Variants in ASPSCR1 observed in about 807,000 individuals in gnomAD.
ASPSCR1 encodes the protein ASPSCR1 tether for SLC2A4, UBX domain containing.
In ASPSCR1, 55 loss-of-function variants were observed where a neutral mutation model predicts 68.9. The observed-to-expected ratio is 0.80, with a 90% confidence interval of 0.64 to 1.00. The LOEUF (loss-of-function observed/expected upper bound fraction) is 1.00, where lower values mean the gene tolerates loss of function less well. Among genes scored for constraint, ASPSCR1 ranks in the 50% least tolerant of loss-of-function variants. ASPSCR1 has a pLI of 0.00. For synonymous variants in ASPSCR1, 352 were observed against 332.6 expected (o/e 1.06, Z -0.63); for missense variants, 765 against 762.2 (o/e 1.00, Z -0.04).
chr17:82,015,888 T>C, intron 12 of ASPSCR1: 1 of 169,194 alleles, frequency 5.9e-6, no homozygotes, highest in Non-Finnish European at 1.3e-5. Flanking sequence ...GCGGCACAAT[T>C]GGGTTTTCAA....
At chr17:82,002,179 C>A (rs1192617008) in intron 7 of ASPSCR1, among the ~76,000 whole-genome samples, 1 of 150,782 alleles carries the variant, frequency 6.6e-6, no homozygotes, top group Non-Finnish European at 1.5e-5. Flanking sequence ...AAGTATTTTT[C>A]TTTTTAAAAT....
At position 82,016,403 on chromosome 17, in the gene ASPSCR1, G is replaced by A. The variant is rs537281859; in HGVS notation, c.1354-73G>A. 7.3e-6 allele frequency: 10 copies of A among 1,376,748 alleles called. No individual in the cohort carries two copies. In the Admixed American group the frequency reaches 1.8e-4, roughly 25 times the overall value. The allele number at this position is 1,376,748 out of a possible 1,614,324, so 85.3% of individuals were successfully genotyped here. On this transcript the variant is annotated intron_variant, in intron 12 of 15. Transcript: ENST00000306739. ...GGGTGGAGCTGGGGCCTGGCCCTGG[G>A]GGTGTAGCTGCCTTCACAGCAGGGG...
chr17:82,010,358 TCTCTACTAAAA>T (rs2042888739), intron 9 of ASPSCR1, among the ~76,000 whole-genome samples: 1 of 151,116 alleles, frequency 6.6e-6, no homozygotes, highest in African/African-American at 2.4e-5. Context: ...TGAAACCCCA[TCTCTACTAAAA>T]ATACAAAAAA....
chr17:82,000,908 C>G (rs185493665), intron 7 of ASPSCR1, among the ~76,000 whole-genome samples: 1 of 152,144 alleles, frequency 6.6e-6, no homozygotes, highest in Non-Finnish European at 1.5e-5. Flanking sequence ...AGACGCCCCC[C>G]ACAACTCGGC....
intron 9 of ASPSCR1, 58 bp from the exon 10 acceptor site, chr17:82,010,744 C>T (rs906042631): frequency 4.9e-5 from 77 of 1,564,160 alleles, no homozygotes; most frequent in Non-Finnish European, 6.0e-5. Context: ...GGAGGCCACG[C>T]CCTGGTCCCT....
chr17:81,989,807 C>G (rs1183045617), intron 4 of ASPSCR1, among the ~76,000 whole-genome samples: 1 of 152,198 alleles, frequency 6.6e-6, no homozygotes, highest in Non-Finnish European at 1.5e-5. Flanking sequence ...ATGGAGGTGA[C>G]TCACATTTTC....
At chr17:81,998,050 C>T (rs367621864) in intron 7 of ASPSCR1, among the ~76,000 whole-genome samples, 1 of 148,612 alleles carries the variant, frequency 6.7e-6, no homozygotes, top group African/African-American at 2.5e-5. Context: ...TGGTCTCGAA[C>T]TCCTGACCTC....
chr17:81,985,369 T>G, intron 3 of ASPSCR1, 138 bp from the exon 4 acceptor site: 2 of 824,486 alleles, frequency 2.4e-6, no homozygotes, highest in South Asian at 3.4e-5. Context: ...GAGGGTAGCC[T>G]TCTCCGTGGG....
chr17:81,979,098 A>C, intron 1 of ASPSCR1, 86 bp from the exon 2 acceptor site: 1 of 1,431,944 alleles, frequency 7.0e-7, no homozygotes, highest in Non-Finnish European at 9.8e-7. Flanking sequence ...CTCACCAGGA[A>C]GCTGAATGCC....
At chr17:81,997,108 T>TCCGGGATGAGGCCGTGTGGGCC (rs1418471638) in intron 7 of ASPSCR1, among the ~76,000 whole-genome samples, 1 of 151,766 alleles carries the variant, frequency 6.6e-6, no homozygotes, top group Non-Finnish European at 1.5e-5. Flanking sequence ...CCGTGTCCGC[T>TCCGGGATGAGGCCGTGTGGGCC]CCGGGATGAG....
rs955228488 is a variant in ASPSCR1, at chr17:81,985,267, CACCTGCACAT to C, written c.274-230_274-221del. Among the ~76,000 whole-genome samples, 8 of 152,196 alleles carry C rather than the reference CACCTGCACAT, an allele frequency of 5.3e-5. No homozygotes were observed. In the South Asian group the frequency reaches 1.5e-3, roughly 28 times the overall value. On this transcript the variant is annotated intron_variant, in intron 3 of 15. Coordinates refer to ENST00000306739, the MANE Select transcript of ASPSCR1 (RefSeq NM_024083.4). Reference sequence around the variant, plus strand: ...ACACACATATGCACACACGCACGCACACCTGCACATACCTGCACACTCACATGCACACACG... The same window carrying C: ...ACACACATATGCACACACGCACGCACACCTGCACACTCACATGCACACACG...
chr17:82,010,829 C>G lies in ASPSCR1; in HGVS notation c.1198C>G (p.Arg400Gly), dbSNP rs141296467. Residue 400 changes from arginine (R) to glycine (G), a missense_variant, in exon 10 of 16, where the codon CGC becomes GGC. By Grantham distance (125) the Arg-to-Gly change is moderately radical. Coordinates refer to ENST00000306739, the MANE Select transcript of ASPSCR1 (RefSeq NM_024083.4). ...KVALRVLFPD[R>G]YVLQGFFRPS... is the part of the protein sequence containing the mutation. Reference sequence around the variant, plus strand: ...GGCTCTGAGGGTCCTGTTCCCCGACCGCTACGTCCTACAGGGCTTCTTCCG... The same window carrying G: ...GGCTCTGAGGGTCCTGTTCCCCGACGGCTACGTCCTACAGGGCTTCTTCCG... 7 of 1,613,202 alleles carry G rather than the reference C, an allele frequency of 4.3e-6. No individual in the cohort carries two copies. In the East Asian group the frequency reaches 1.1e-4, roughly 26 times the overall value.
Position 81,986,432 on chromosome 17 carries a change from A to T in ASPSCR1, c.374+825A>T, listed in dbSNP as rs1042386293. Among the ~76,000 whole-genome samples, 7 of 152,218 alleles carry T rather than the reference A, an allele frequency of 4.6e-5. No homozygotes were observed. Among genetic ancestry groups the T allele is most frequent in the Admixed American group, 3.9e-4 (6 of 15,282 alleles). On this transcript the variant is annotated intron_variant, in intron 4 of 15. Transcript: ENST00000306739. This position sits in a 1 kb window ranked among gnomAD's most constrained non-coding sequence, Gnocchi z 5.2. ...CAACAGAACGAGACTCTGTCTCAAA[A>T]AAATAAATAAATAAAAATAAGTAAT...
Position 81,996,734 on chromosome 17 carries a change from C to T in ASPSCR1, c.821C>T (p.Ser274Phe), listed in dbSNP as rs1453083430. ...TCAGCTAAGTTGCCGAAGTCCCTCT[C>T]CAGCCCTGGAGGCCCCTCCAAGCCA... ...SSSAKLPKSL[S>F]SPGGPSKPKK... Residue 274 changes from serine to phenylalanine, a missense_variant, in exon 7 of 16, where the codon TCC becomes TTC. Ser to Phe is a radical substitution (Grantham distance 155, BLOSUM62 -2). Coordinates refer to ENST00000306739, the MANE Select transcript of ASPSCR1 (RefSeq NM_024083.4). 1 of 1,613,410 alleles carries T rather than the reference C, an allele frequency of 6.2e-7. No individual in the cohort carries two copies. Among genetic ancestry groups the T allele is most frequent in the African/African-American group, 1.3e-5 (1 of 74,934 alleles).
chr17:81,987,022 G>A lies in ASPSCR1; in HGVS notation c.374+1415G>A, dbSNP rs867281307. On this transcript the variant is annotated intron_variant, in intron 4 of 15. Coordinates refer to ENST00000306739, the MANE Select transcript of ASPSCR1 (RefSeq NM_024083.4). The surrounding 1 kb of genome is among the most constrained non-coding windows in gnomAD (Gnocchi z 5.6). The stretch of plus-strand genomic sequence containing the variant: ...CTCAGACAACAGTGACGGAGCCTAA[G>A]AGCAAAGCCAAAGCCACGGGCAGGG... Among the ~76,000 whole-genome samples, 1 of 152,174 alleles carries A rather than the reference G, an allele frequency of 6.6e-6. No individual in the cohort carries two copies. Among genetic ancestry groups the A allele is most frequent in the Non-Finnish European group, 1.5e-5 (1 of 68,036 alleles).
At chr17:81,996,254 C>T (rs376790773) in intron 6 of ASPSCR1, among the ~76,000 whole-genome samples, 166 bp from the exon 7 acceptor site, 1 of 152,112 alleles carries the variant, frequency 6.6e-6, no homozygotes, top group African/African-American at 2.4e-5. Flanking sequence ...ATCTCTGTGT[C>T]CCCCAGAGGG....
chr17:82,014,939 A>G, intron 12 of ASPSCR1: 29 of 1,071,054 alleles, frequency 2.7e-5, no homozygotes, highest in South Asian at 5.0e-5. Context: ...CAGCCGAGGG[A>G]GCCAGGCAGG....
chr17:82,010,320 G>A (rs1340251104), intron 9 of ASPSCR1, among the ~76,000 whole-genome samples: 1 of 151,238 alleles, frequency 6.6e-6, no homozygotes, highest in Admixed American at 6.6e-5. Context: ...ATGAGGTCAG[G>A]AGATCGAGAC....
rs761817126 is a variant in ASPSCR1 at position 82,017,332 on chromosome 17, G to A, written c.*10G>A. ...AGCCAGCAAGAGGTGAGAGCTGCCA[G>A]CCTGAGGTGCCCACTCCGCCAGCCA... On this transcript the variant is annotated 3_prime_UTR_variant, in exon 16 of 16. Transcript: ENST00000306739. 35 of 1,611,150 alleles carry A rather than the reference G, an allele frequency of 2.2e-5. No homozygotes were observed. The highest frequency in any genetic ancestry group is 1.9e-4 in the South Asian group (17 of 91,086).
Sources: gnomAD v4.1 joint callset for allele counts (sites outside exome capture counted in the v4.1 genomes callset) on GRCh38, gnomAD v4.1.1 for gene constraint, Gnocchi (gnomAD v3.1) non-coding constraint, MANE v1.5 for transcripts, NCBI Gene and HGNC (gene_info 2026-07-23, HGNC 2026-07-21) for gene names.